Variants in GRM8 observed in about 807,000 individuals in gnomAD.
GRM8 encodes the protein metabotropic glutamate receptor 8.
Under a neutral mutation model 87.2 loss-of-function variants are expected in GRM8, and 47 were observed. That is an observed-to-expected ratio of 0.54 (90% CI 0.43 to 0.69). The LOEUF (loss-of-function observed/expected upper bound fraction) is 0.69, where lower values mean the gene tolerates loss of function less well. Ranked by LOEUF, GRM8 falls within the 30% of genes least tolerant of loss-of-function variation. GRM8 has a pLI of 0.00. For synonymous variants in GRM8, 396 were observed against 404.5 expected (o/e 0.98, Z 0.25); for missense variants, 1,019 against 1,139.2 (o/e 0.89, Z 1.52).
intron 6 of GRM8, among the ~76,000 whole-genome samples, chr7:126,901,142 A>ATT (rs933241235): frequency 6.7e-6 from 1 of 148,462 alleles, no homozygotes; most frequent in Non-Finnish European, 1.5e-5. Context: ...TCCCTGAACT[A>ATT]TTTTTTTTTT....
intron 9 of GRM8, among the ~76,000 whole-genome samples, chr7:126,459,054 T>C (rs936981084): frequency 1.3e-5 from 2 of 149,654 alleles, no homozygotes; most frequent in East Asian, 3.9e-4. Flanking sequence ...AAGTATTTGA[T>C]ATAAAAGAAG....
chr7:126,560,746 A>T (rs1366759499), intron 8 of GRM8, among the ~76,000 whole-genome samples: 1 of 152,214 alleles, frequency 6.6e-6, no homozygotes, highest in Admixed American at 6.5e-5. Context: ...ATAATTAAAC[A>T]ATTCTGAAGT....
At chr7:126,511,363 A>G (rs541680235) in intron 9 of GRM8, 53 of 152,280 alleles carry the variant, frequency 3.5e-4, no homozygotes, top group African/African-American at 1.2e-3. Flanking sequence ...AATTTGAATT[A>G]TATCATCTCA....
intron 2 of GRM8, among the ~76,000 whole-genome samples, chr7:127,184,137 A>G (rs1794619891): frequency 6.6e-6 from 1 of 151,902 alleles, no homozygotes; most frequent in Non-Finnish European, 1.5e-5. Flanking sequence ...AATAGAAATA[A>G]TTCCTAACTC....
chr7:126,854,714 A>T (rs1797522930), intron 6 of GRM8, among the ~76,000 whole-genome samples: 1 of 152,192 alleles, frequency 6.6e-6, no homozygotes, highest in Non-Finnish European at 1.5e-5. Context: ...TTCTGTCTTT[A>T]CTGTGCTTCT....
At chr7:126,811,455 G>C (rs1257307881) in intron 6 of GRM8, among the ~76,000 whole-genome samples, 2 of 151,886 alleles carry the variant, frequency 1.3e-5, no homozygotes, top group Non-Finnish European at 2.9e-5. Flanking sequence ...GTTTTGGGTA[G>C]TATGGTCATT....
chr7:126,497,082 CA>C (rs1323165256), intron 9 of GRM8, among the ~76,000 whole-genome samples: 8 of 150,596 alleles, frequency 5.3e-5, no homozygotes, highest in African/African-American at 2.0e-4. Context: ...ATACCATACA[CA>C]AATAGCAAGG....
intron 3 of GRM8, among the ~76,000 whole-genome samples, chr7:126,930,372 T>G (rs1171202461): frequency 6.6e-6 from 1 of 152,196 alleles, no homozygotes; most frequent in Non-Finnish European, 1.5e-5. Context: ...CAAAATAAAT[T>G]GCTCAGTGTT....
At position 127,172,002 on chromosome 7, in the gene GRM8, AAAT is replaced by A. The variant is rs544262714; in HGVS notation, c.511-65293_511-65291del. Among the ~76,000 whole-genome samples, 689 of 151,456 alleles carry A rather than the reference AAAT, an allele frequency of 4.5e-3. 5 individuals carry two copies. Among genetic ancestry groups the A allele is most frequent in the African/African-American group, 0.016 (660 of 41,460 alleles). ...GACATTTAAACAGAAGATTCAAAAT[AAAT>A]AATTATAGGATATTACTTGCAAAAA... On this transcript the variant is annotated intron_variant, in intron 2 of 10. Transcript: ENST00000339582.
chr7:126,736,874 C>A (rs1814289374), intron 7 of GRM8, among the ~76,000 whole-genome samples: 1 of 152,014 alleles, frequency 6.6e-6, no homozygotes, highest in Non-Finnish European at 1.5e-5. Flanking sequence ...TCATTCTCCC[C>A]CTAATGATAA....
At chr7:127,207,735 CCCT>C (rs1408516295) in intron 2 of GRM8, among the ~76,000 whole-genome samples, 2 of 152,076 alleles carry the variant, frequency 1.3e-5, no homozygotes, top group Admixed American at 1.3e-4. Context: ...TCATTACATC[CCCT>C]CCTTTTTGTG....
chr7:126,806,447 G>A (rs531577231), intron 6 of GRM8, among the ~76,000 whole-genome samples: 5 of 152,256 alleles, frequency 3.3e-5, no homozygotes, highest in Admixed American at 6.5e-5. Context: ...GAGGACCCGA[G>A]TGCATTGTGG....
chr7:126,716,697 A>G (rs1276619490), intron 7 of GRM8, among the ~76,000 whole-genome samples: 1 of 152,124 alleles, frequency 6.6e-6, no homozygotes, highest in Non-Finnish European at 1.5e-5. Flanking sequence ...AAGGACTTTC[A>G]TTCTCCCTGA....
At chr7:127,002,331 G>A (rs943957187) in intron 3 of GRM8, among the ~76,000 whole-genome samples, 2 of 151,634 alleles carry the variant, frequency 1.3e-5, no homozygotes, top group African/African-American at 4.8e-5. Context: ...GCTGGAATGT[G>A]GGTATAAATC....
At chr7:127,091,708 T>C (rs1471562083) in intron 3 of GRM8, among the ~76,000 whole-genome samples, 2 of 57,370 alleles carry the variant, frequency 3.5e-5, no homozygotes, top group African/African-American at 7.2e-5. Context: ...ATGACCCCCC[T>C]GCCATCCCAC....
intron 2 of GRM8, chr7:127,215,286 G>T: frequency 6.6e-6 from 1 of 152,176 alleles, no homozygotes; most frequent in South Asian, 2.1e-4. Context: ...CATGAGTTCA[G>T]AATTCTCAGC....
intron 6 of GRM8, among the ~76,000 whole-genome samples, chr7:126,862,812 T>TA (rs1291995330): frequency 6.6e-6 from 1 of 152,136 alleles, no homozygotes; most frequent in Non-Finnish European, 1.5e-5. Flanking sequence ...TATCTTTTTT[T>TA]ATTTCTCATA....
At chr7:126,785,707 G>C (rs750801467) in intron 6 of GRM8, among the ~76,000 whole-genome samples, 2 of 151,934 alleles carry the variant, frequency 1.3e-5, no homozygotes, top group Non-Finnish European at 2.9e-5. Context: ...CTGTCACCTG[G>C]AACCAGGAGG....
intron 6 of GRM8, among the ~76,000 whole-genome samples, chr7:126,839,420 T>C (rs1255762406): frequency 6.6e-6 from 1 of 152,156 alleles, no homozygotes; most frequent in Non-Finnish European, 1.5e-5. Flanking sequence ...GTAAATGGAA[T>C]CACTCAGACT....
Sources: allele counts gnomAD v4.1 joint callset (sites outside exome capture counted in the v4.1 genomes callset), GRCh38; gene constraint gnomAD v4.1.1; transcripts MANE v1.5; gene names NCBI Gene and HGNC (gene_info 2026-07-23, HGNC 2026-07-21).